NRG3: variants seen among roughly 807,000 people sequenced by gnomAD.
NRG3 encodes the protein pro-neuregulin-3, membrane-bound isoform.
Under a neutral mutation model 66.9 loss-of-function variants are expected in NRG3, and 31 were observed. The ratio of observed to expected loss-of-function variants is 0.46; its 90% CI spans 0.35 to 0.63. The LOEUF is 0.63. Among genes scored for constraint, NRG3 ranks in the 20% least tolerant of loss-of-function variants. NRG3 has a pLI of 0.00. For missense variants in NRG3, 910 were observed against 878.9 expected (o/e 1.04, Z -0.45); for synonymous variants, 393 against 359.4 (o/e 1.09, Z -1.06).
At chr10:81,955,444 T>C (rs972053170) in intron 1 of NRG3, among the ~76,000 whole-genome samples, 2 of 152,090 alleles carry the variant, frequency 1.3e-5, no homozygotes, top group African/African-American at 2.4e-5. Context: ...TTTATTTTAG[T>C]TCTGCATTTC....
rs1280476260 is a variant in NRG3, at chr10:82,021,826, G to T, written c.823+145663G>T. Among the ~76,000 whole-genome samples the T allele has an allele frequency of 6.7e-5, 9 of 134,942 alleles. No homozygotes were observed. The East Asian group carries it at 2.0e-3, about 30-fold the overall frequency. The allele number at this position is 134,942 out of a possible 152,430, so 88.5% of individuals were successfully genotyped here. On this transcript the variant is annotated intron_variant, in intron 1 of 8. Transcript: ENST00000372141. ...TGTGTGTGTGTGTGTGTGTGTGTGT[G>T]TGTGTGTGTCTTGATTTAGGGTTAA...
At chr10:82,354,138 G>T (rs2083621491) in intron 1 of NRG3, among the ~76,000 whole-genome samples, 2 of 149,614 alleles carry the variant, frequency 1.3e-5, no homozygotes, top group South Asian at 4.2e-4. Context: ...GGGCTCAGGT[G>T]ATCCTCCCAC....
rs139101650 is a variant in NRG3, at chr10:82,680,112, C to T, written c.954-58465C>T. ...CAATCACCAAACACTATTCTAAGCC[C>T]TTTACTTATATTAACATCATATAAC... is the stretch of plus-strand genomic sequence containing the variant. On this transcript the variant is annotated intron_variant, in intron 2 of 8. Coordinates refer to ENST00000372141, the MANE Select transcript of NRG3 (RefSeq NM_001010848.4). Among the ~76,000 whole-genome samples, 74 of 152,234 alleles carry T rather than the reference C, an allele frequency of 4.9e-4. No homozygotes were observed. The East Asian group carries it at 0.014, about 28-fold the overall frequency.
intron 1 of NRG3, among the ~76,000 whole-genome samples, chr10:82,113,330 A>G (rs934302802): frequency 1.3e-5 from 2 of 152,112 alleles, no homozygotes; most frequent in African/African-American, 2.4e-5. Context: ...CCGTTGTCCT[A>G]TGGTCCCAGA....
At chr10:82,386,203 A>G (rs1287216239) in intron 2 of NRG3, among the ~76,000 whole-genome samples, 1 of 152,220 alleles carries the variant, frequency 6.6e-6, no homozygotes, top group African/African-American at 2.4e-5. Context: ...GAAAAGATTA[A>G]TAACTGTGCA....
At chr10:82,465,148 G>A (rs755446682) in intron 2 of NRG3, among the ~76,000 whole-genome samples, 1 of 152,198 alleles carries the variant, frequency 6.6e-6, no homozygotes, top group Non-Finnish European at 1.5e-5. Context: ...TAACGATAAT[G>A]GGGCTATTAA....
chr10:82,408,098 A>AGAAG (rs1491153425), intron 2 of NRG3, among the ~76,000 whole-genome samples: 50 of 126,208 alleles, frequency 4.0e-4, no homozygotes, highest in African/African-American at 1.4e-3. Context: ...AAAGAAAGAA[A>AGAAG]GAAAGAAAGA....
At chr10:82,185,225 C>T (rs1001012513) in intron 1 of NRG3, among the ~76,000 whole-genome samples, 5 of 152,080 alleles carry the variant, frequency 3.3e-5, no homozygotes, top group African/African-American at 1.2e-4. Context: ...AAAAAATTCT[C>T]TTACTGAGCA....
At chr10:82,098,389 G>C (rs1418162125) in intron 1 of NRG3, among the ~76,000 whole-genome samples, 1 of 151,936 alleles carries the variant, frequency 6.6e-6, no homozygotes, top group African/African-American at 2.4e-5. Flanking sequence ...GAGGCTTTCT[G>C]GAGCAGAAAA....
At chr10:82,666,092 C>T (rs753450763) in intron 2 of NRG3, among the ~76,000 whole-genome samples, 3 of 152,168 alleles carry the variant, frequency 2.0e-5, no homozygotes, top group Non-Finnish European at 1.5e-5. Context: ...GATCTCCCGA[C>T]CTCAGGTGAT....
intron 2 of NRG3, among the ~76,000 whole-genome samples, chr10:82,396,568 A>G (rs376324244): frequency 6.6e-6 from 1 of 152,298 alleles, no homozygotes; most frequent in Non-Finnish European, 1.5e-5. Context: ...ACAGCAACCA[A>G]TCGCTGACTG....
intron 1 of NRG3, among the ~76,000 whole-genome samples, chr10:81,912,173 A>G: frequency 6.6e-6 from 1 of 152,094 alleles, no homozygotes; most frequent in East Asian, 1.9e-4. Context: ...ATGTAGGTAT[A>G]TGTGAGTGTA....
At chr10:81,944,264 C>T (rs1177511221) in intron 1 of NRG3, among the ~76,000 whole-genome samples, 1 of 152,190 alleles carries the variant, frequency 6.6e-6, no homozygotes, top group East Asian at 1.9e-4. Context: ...AGCAGCAGTG[C>T]ATTATCAACC....
intron 1 of NRG3, among the ~76,000 whole-genome samples, chr10:82,353,836 C>T (rs1447273076): frequency 6.6e-6 from 1 of 151,890 alleles, no homozygotes; most frequent in Non-Finnish European, 1.5e-5. Flanking sequence ...TTGGAAAATC[C>T]TTTCCAATTG....
At chr10:81,952,875 A>G (rs1229677989) in intron 1 of NRG3, among the ~76,000 whole-genome samples, 1 of 152,090 alleles carries the variant, frequency 6.6e-6, no homozygotes, top group Non-Finnish European at 1.5e-5. Context: ...GATTACAGGC[A>G]TGATGCACCA....
intron 1 of NRG3, among the ~76,000 whole-genome samples, chr10:82,128,378 A>G (rs1159671486): frequency 6.6e-6 from 1 of 152,096 alleles, no homozygotes; most frequent in Non-Finnish European, 1.5e-5. Flanking sequence ...TGTCATGAAT[A>G]TGGAAGAGAT....
At chr10:82,696,085 C>T (rs2055356960) in intron 2 of NRG3, among the ~76,000 whole-genome samples, 1 of 152,140 alleles carries the variant, frequency 6.6e-6, no homozygotes, top group Non-Finnish European at 1.5e-5. Flanking sequence ...CATTCTCAGG[C>T]AGAATGGAGA....
chr10:82,386,226 T>A lies in NRG3; in HGVS notation c.953+27358T>A, dbSNP rs1009309439. ...TAATAACTGTGCAAGTATTGAAACT[T>A]TAATTATATAAATTCTCAGGCATGA... On this transcript the variant is annotated intron_variant, in intron 2 of 8. Coordinates refer to ENST00000372141, the MANE Select transcript of NRG3 (RefSeq NM_001010848.4). 3.3e-5 allele frequency among the ~76,000 whole-genome samples: 5 copies of A among 152,220 alleles called. No homozygotes were observed. The South Asian group carries it at 1.0e-3, about 31-fold the overall frequency.
chr10:82,786,491 T>C (rs752194507), intron 3 of NRG3, among the ~76,000 whole-genome samples: 28 of 152,036 alleles, frequency 1.8e-4, no homozygotes, highest in Admixed American at 3.3e-4. Context: ...TGCCCCCCCA[T>C]TGTGTTTTGG....
Sources: gnomAD v4.1 joint callset for allele counts (sites outside exome capture counted in the v4.1 genomes callset) on GRCh38, gnomAD v4.1.1 for gene constraint, MANE v1.5 for transcripts, NCBI Gene and HGNC (gene_info 2026-07-23, HGNC 2026-07-21) for gene names.